The following SASH1 variants were observed in gnomAD, a reference collection of about 807,000 sequenced individuals.
SASH1 encodes SAM and SH3 domain containing 1.
Under a neutral mutation model 125.2 loss-of-function variants are expected in SASH1, and 44 were observed. The ratio of observed to expected loss-of-function variants is 0.35; its 90% CI spans 0.28 to 0.45. The LOEUF (loss-of-function observed/expected upper bound fraction) is 0.45, where lower values mean the gene tolerates loss of function less well. SASH1 is among the 20% of genes least tolerant of loss of function. SASH1 has a pLI of 1.00. For synonymous variants in SASH1, 639 were observed against 649.1 expected (o/e 0.98, Z 0.24); for missense variants, 1,426 against 1,614.5 (o/e 0.88, Z 2.00).
intron 8 of SASH1, chr6:148,513,830 T>C (rs1780284820): frequency 1.4e-5 from 14 of 986,240 alleles, no homozygotes; most frequent in Non-Finnish European, 1.7e-5. Context: ...TGCATCTCTT[T>C]CCCTTTCCTG....
intron 1 of SASH1, among the ~76,000 whole-genome samples, chr6:148,284,025 C>T (rs533411461): frequency 3.9e-5 from 6 of 152,196 alleles, no homozygotes; most frequent in African/African-American, 1.4e-4. Flanking sequence ...AGGAATAGCA[C>T]ATTATCCACT....
intron 12 of SASH1, 52 bp from the exon 13 acceptor site, chr6:148,531,471 AAAC>A: frequency 7.2e-7 from 1 of 1,391,188 alleles, no homozygotes; most frequent in Non-Finnish European, 9.4e-7. Context: ...GAGAATTACA[AAAC>A]AACACCTGTC....
chr6:148,461,008 T>C (rs566838065), intron 4 of SASH1, among the ~76,000 whole-genome samples: 2 of 152,364 alleles, frequency 1.3e-5, no homozygotes, highest in South Asian at 2.1e-4. Flanking sequence ...GTTCGTCAGT[T>C]TGGGACTGCT....
intron 1 of SASH1, among the ~76,000 whole-genome samples, chr6:148,351,740 T>G (rs939000550): frequency 1.3e-5 from 2 of 151,230 alleles, no homozygotes; most frequent in South Asian, 4.2e-4. Context: ...TTTGTTGACT[T>G]TAATAATAAT....
At chr6:148,406,820 G>A (rs1784396022) in intron 2 of SASH1, among the ~76,000 whole-genome samples, 2 of 150,320 alleles carry the variant, frequency 1.3e-5, no homozygotes, top group South Asian at 4.2e-4. Flanking sequence ...GGGAGGAACA[G>A]AGAGGATCAG....
Position 148,440,506 on chromosome 6 carries a change from A to G in SASH1, c.386+99A>G, listed in dbSNP as rs1776500474. On this transcript the variant is annotated intron_variant, in intron 4 of 19. Coordinates refer to ENST00000367467, the MANE Select transcript of SASH1 (RefSeq NM_015278.5). Reference sequence around the variant, plus strand: ...ACAGGCGATCATGTGCGTATGTACTATGGAGTTATGCGATGTCATTTTCCT... The same window carrying G: ...ACAGGCGATCATGTGCGTATGTACTGTGGAGTTATGCGATGTCATTTTCCT... 4 of 979,710 alleles carry G rather than the reference A, an allele frequency of 4.1e-6. No individual in the cohort carries two copies. In the African/African-American group the frequency reaches 4.8e-5, roughly 12 times the overall value. 60.7% of individuals were successfully genotyped at this position (979,710 alleles called of 1,614,324 possible).
chr6:148,301,847 T>G (rs1408613245), intron 1 of SASH1, among the ~76,000 whole-genome samples: 38 of 146,782 alleles, frequency 2.6e-4, no homozygotes, highest in African/African-American at 9.5e-4. Flanking sequence ...TCCTCCCACC[T>G]CGGCCTCCCA....
intron 1 of SASH1, among the ~76,000 whole-genome samples, chr6:148,282,571 G>A (rs923807687): frequency 2.0e-5 from 3 of 151,890 alleles, no homozygotes; most frequent in Admixed American, 6.6e-5. Context: ...CAATAGAGAC[G>A]GGGTTTCACT....
At chr6:148,489,181 G>T (rs545763572) in intron 8 of SASH1, among the ~76,000 whole-genome samples, 46 of 152,104 alleles carry the variant, frequency 3.0e-4, no homozygotes, top group Non-Finnish European at 5.0e-4. Flanking sequence ...TCATTCATTT[G>T]CATGTGGATA....
intron 8 of SASH1, among the ~76,000 whole-genome samples, chr6:148,498,164 G>C (rs1160789191): frequency 1.3e-5 from 2 of 151,274 alleles, no homozygotes; most frequent in Non-Finnish European, 2.9e-5. Flanking sequence ...TGGGTGGATT[G>C]CCTGAGCTCA....
chr6:148,210,389 C>T, the SASH1 span, among the ~76,000 whole-genome samples: 1 of 152,222 alleles, frequency 6.6e-6, no homozygotes, highest in African/African-American at 2.4e-5. Flanking sequence ...AAAAACTAGC[C>T]GGACATGGTG....
intron 16 of SASH1, among the ~76,000 whole-genome samples, chr6:148,538,628 T>C (rs966662957): frequency 2.6e-5 from 4 of 152,208 alleles, no homozygotes; most frequent in South Asian, 2.1e-4. Context: ...CGATCTCTGC[T>C]GTAGTTGGGG....
chr6:148,236,951 C>T, the SASH1 span, among the ~76,000 whole-genome samples: 3 of 152,276 alleles, frequency 2.0e-5, no homozygotes, highest in Non-Finnish European at 2.9e-5. Flanking sequence ...TCTCTCTCTC[C>T]AACTTTCTCT....
the SASH1 span, among the ~76,000 whole-genome samples, chr6:148,197,983 G>A: frequency 6.6e-6 from 1 of 152,158 alleles, no homozygotes. Context: ...CAGAGTAGCT[G>A]GAATTATAGC....
intron 2 of SASH1, among the ~76,000 whole-genome samples, chr6:148,400,916 T>G (rs187986821): frequency 6.6e-6 from 1 of 152,180 alleles, no homozygotes; most frequent in Admixed American, 6.5e-5. Flanking sequence ...GAATTTTAAG[T>G]TGAAGAAAAC....
intron 1 of SASH1, among the ~76,000 whole-genome samples, chr6:148,285,850 A>T (rs1779467881): frequency 6.6e-6 from 1 of 152,172 alleles, no homozygotes. Context: ...GGTGATCTAC[A>T]ATCAGCAGGT....
At chr6:148,240,926 C>G in the SASH1 span, among the ~76,000 whole-genome samples, 1 of 152,174 alleles carries the variant, frequency 6.6e-6, no homozygotes, top group African/African-American at 2.4e-5. Context: ...GACCTCTAGG[C>G]AGGATTTAAT....
At chr6:148,436,394 A>C (rs1398464493) in intron 2 of SASH1, among the ~76,000 whole-genome samples, 1 of 151,828 alleles carries the variant, frequency 6.6e-6, no homozygotes, top group Non-Finnish European at 1.5e-5. Flanking sequence ...CCTCCCAGCT[A>C]CCTGGGAGGC....
At chr6:148,343,290 C>T (rs780218259) in intron 1 of SASH1, 67 bp downstream of exon 1, 102 of 1,483,902 alleles carry the variant, frequency 6.9e-5, no homozygotes, top group Non-Finnish European at 8.4e-5. Flanking sequence ...AAACCGGGGG[C>T]TCCCTTCTCG....
Sources: allele counts gnomAD v4.1 joint callset (sites outside exome capture counted in the v4.1 genomes callset), GRCh38; gene constraint gnomAD v4.1.1; transcripts MANE v1.5; gene names NCBI Gene and HGNC (gene_info 2026-07-23, HGNC 2026-07-21).